Variants in TRPC4 observed in about 807,000 individuals in gnomAD.
TRPC4 encodes short transient receptor potential channel 4.
In TRPC4, 49 loss-of-function variants were observed where a neutral mutation model predicts 99.4. The ratio of observed to expected loss-of-function variants is 0.49; its 90% CI spans 0.39 to 0.63. The LOEUF (loss-of-function observed/expected upper bound fraction) is 0.63, where lower values mean the gene tolerates loss of function less well. TRPC4 is among the 20% of genes least tolerant of loss of function. The pLI, the probability that TRPC4 is intolerant of heterozygous loss-of-function variation, is 0.00. For synonymous variants in TRPC4, 454 were observed against 425.9 expected (o/e 1.07, Z -0.81); for missense variants, 898 against 1,152.9 (o/e 0.78, Z 3.20).
intron 2 of TRPC4, among the ~76,000 whole-genome samples, chr13:37,752,975 TCC>T (rs1491110254): frequency 1.1e-4 from 12 of 108,282 alleles, no homozygotes; most frequent in Non-Finnish European, 2.4e-4. Flanking sequence ...TCTTTCTCCC[TCC>T]ACACACACAC....
chr13:37,787,598 T>C (rs1957004727), intron 1 of TRPC4, among the ~76,000 whole-genome samples: 1 of 152,058 alleles, frequency 6.6e-6, no homozygotes, highest in African/African-American at 2.4e-5. Flanking sequence ...TGCATATGAC[T>C]GAACTGTTTT....
At chr13:37,675,453 G>C (rs1258660259) in intron 4 of TRPC4, among the ~76,000 whole-genome samples, 1 of 152,138 alleles carries the variant, frequency 6.6e-6, no homozygotes, top group Non-Finnish European at 1.5e-5. Context: ...ATCCCTGGGA[G>C]CCACAGTTAC....
At chr13:37,842,106 C>A (rs1958746487) in intron 1 of TRPC4, among the ~76,000 whole-genome samples, 1 of 151,502 alleles carries the variant, frequency 6.6e-6, no homozygotes, top group Admixed American at 6.6e-5. Context: ...CCCATCACCA[C>A]TAAAAATACA....
intron 1 of TRPC4, among the ~76,000 whole-genome samples, chr13:37,802,146 T>G (rs1957422765): frequency 6.6e-6 from 1 of 152,176 alleles, no homozygotes; most frequent in Admixed American, 6.6e-5. Context: ...CTTACAGAAC[T>G]GTTGCAAAAA....
intron 1 of TRPC4, among the ~76,000 whole-genome samples, chr13:37,791,417 A>G (rs1957115977): frequency 6.6e-6 from 1 of 151,100 alleles, no homozygotes; most frequent in South Asian, 2.1e-4. Flanking sequence ...AAAAAAAAAA[A>G]AGGATAAACG....
chr13:37,639,382 GT>G, intron 8 of TRPC4, 83 bp from the exon 9 acceptor site: 1 of 1,404,340 alleles, frequency 7.1e-7, no homozygotes, highest in Non-Finnish European at 9.7e-7. Context: ...AATCGATAAT[GT>G]TTTTATTCTT....
At chr13:37,677,383 G>A (rs1047029996) in intron 4 of TRPC4, among the ~76,000 whole-genome samples, 2 of 151,642 alleles carry the variant, frequency 1.3e-5, no homozygotes, top group African/African-American at 4.8e-5. Flanking sequence ...ACACACTAAT[G>A]AAAATAAAGA....
chr13:37,758,359 G>T (rs1956144974), intron 2 of TRPC4, among the ~76,000 whole-genome samples: 1 of 151,772 alleles, frequency 6.6e-6, no homozygotes, highest in South Asian at 2.1e-4. Flanking sequence ...TTTTCAATGT[G>T]ATGATATTGT....
At chr13:37,847,954 A>C (rs2139665514) in intron 1 of TRPC4, among the ~76,000 whole-genome samples, 1 of 152,244 alleles carries the variant, frequency 6.6e-6, no homozygotes, top group Non-Finnish European at 1.5e-5. Context: ...AGGTTTTGGG[A>C]TCTATTGCAC....
At chr13:37,686,219 T>G (rs755413155) in intron 4 of TRPC4, among the ~76,000 whole-genome samples, 14 of 152,018 alleles carry the variant, frequency 9.2e-5, no homozygotes, top group Non-Finnish European at 1.6e-4. Flanking sequence ...TCTTAATGAC[T>G]TTAGACAAAA....
At chr13:37,646,889 C>G (rs1951874045) in intron 8 of TRPC4, among the ~76,000 whole-genome samples, 1 of 152,186 alleles carries the variant, frequency 6.6e-6, no homozygotes, top group African/African-American at 2.4e-5. Context: ...GGAAGCATCT[C>G]TCAATAATGG....
intron 3 of TRPC4, among the ~76,000 whole-genome samples, chr13:37,738,640 G>C (rs1268371534): frequency 6.6e-6 from 1 of 152,098 alleles, no homozygotes; most frequent in African/African-American, 2.4e-5. Context: ...ATTCTAATAT[G>C]ATCCAGATAA....
intron 3 of TRPC4, among the ~76,000 whole-genome samples, chr13:37,695,529 C>G (rs982670939): frequency 6.6e-6 from 1 of 152,176 alleles, no homozygotes; most frequent in Non-Finnish European, 1.5e-5. Context: ...TTTTTAGACA[C>G]AATTCATTAC....
intron 7 of TRPC4, among the ~76,000 whole-genome samples, chr13:37,652,733 T>TCCTGCAGGCATGGAGAATG (rs1952093808): frequency 6.6e-6 from 1 of 152,258 alleles, no homozygotes; most frequent in African/African-American, 2.4e-5. Context: ...TCAGCAGATT[T>TCCTGCAGGCATGGAGAATG]GGCTCAAGGA....
chr13:37,783,329 G>A lies in TRPC4; in HGVS notation c.5C>T (p.Ala2Val), dbSNP rs376206930. The A allele has an allele frequency of 1.0e-5, 16 of 1,558,144 alleles. No homozygotes were observed. Among genetic ancestry groups the A allele is most frequent in the Non-Finnish European group, 1.7e-6 (2 of 1,153,692 alleles). ...AACATTTCTTTTGTAATAGAACTGA[G>A]CCATGTTTCATGCCATGCTATTTCT... The part of the protein sequence containing the change: M[A>V]QFYYKRNVNA... Residue 2 changes from alanine (A) to valine (V), a missense_variant, in exon 2 of 11, where the codon GCT (alanine) becomes GTT (valine). Transcript: ENST00000379705.
At chr13:37,800,657 T>C (rs1195866591) in intron 1 of TRPC4, among the ~76,000 whole-genome samples, 1 of 152,022 alleles carries the variant, frequency 6.6e-6, no homozygotes. Context: ...TATGAGCTAC[T>C]AAAGATAAAA....
intron 2 of TRPC4, among the ~76,000 whole-genome samples, chr13:37,779,767 G>A (rs141628862): frequency 3.3e-5 from 5 of 151,974 alleles, no homozygotes; most frequent in African/African-American, 9.6e-5. Context: ...AAAAAACTAC[G>A]CATGTCCAAT....
intron 3 of TRPC4, among the ~76,000 whole-genome samples, chr13:37,742,728 A>G (rs1229397003): frequency 6.6e-6 from 1 of 152,168 alleles, no homozygotes; most frequent in African/African-American, 2.4e-5. Flanking sequence ...AGACCAAACC[A>G]AGGAAAACTT....
intron 3 of TRPC4, among the ~76,000 whole-genome samples, chr13:37,740,134 C>A (rs751830393): frequency 7.2e-5 from 11 of 152,098 alleles, no homozygotes; most frequent in Non-Finnish European, 1.2e-4. Flanking sequence ...AAGGATGCAA[C>A]ATTATCATTA....
Sources: allele counts gnomAD v4.1 joint callset (sites outside exome capture counted in the v4.1 genomes callset), GRCh38; gene constraint gnomAD v4.1.1; transcripts MANE v1.5; gene names NCBI Gene and HGNC (gene_info 2026-07-23, HGNC 2026-07-21).